The following MAX variants were observed in gnomAD, a reference collection of about 807,000 sequenced individuals.
MAX encodes protein max.
Under a neutral mutation model 22.3 loss-of-function variants are expected in MAX, and 3 were observed. The observed-to-expected ratio is 0.13, with a 90% CI of 0.06 to 0.35. The LOEUF (loss-of-function observed/expected upper bound fraction) is 0.35. Ranked by LOEUF, MAX falls within the 10% of genes least tolerant of loss-of-function variation. The pLI, the probability that MAX is intolerant of heterozygous loss-of-function variation, is 1.00. For missense variants in MAX, 119 were observed against 209.4 expected (o/e 0.57, Z 2.66); for synonymous variants, 72 against 77.7 (o/e 0.93, Z 0.39).
rs2062500379 is a variant in MAX at position 65,047,091 on chromosome 14, A to G, written c.172-40807T>C. Reference sequence around the variant, plus strand: ...AAAAACAGGCAAAGGATCTGAAGAAAGAGGTCCCAGTGAAAGAACTGTCCT... The same window carrying G: ...AAAAACAGGCAAAGGATCTGAAGAAGGAGGTCCCAGTGAAAGAACTGTCCT... On this transcript the variant is annotated intron_variant, in intron 3 of 3. Transcript: ENST00000341653. The surrounding 1 kb of genome is among the most constrained non-coding windows in gnomAD (Gnocchi z 5.2). Among the ~76,000 whole-genome samples the G allele has an allele frequency of 6.6e-6, 1 of 152,248 alleles. No individual in the cohort carries two copies. The highest frequency in any genetic ancestry group is 1.5e-5 in the Non-Finnish European group (1 of 68,044).
rs1283243078 is a variant in MAX, at chr14:65,076,828, C to T, written c.296-165G>A. On this transcript the variant is annotated intron_variant, in intron 4 of 4. Coordinates refer to ENST00000358664, the MANE Select transcript of MAX (RefSeq NM_002382.5). The surrounding 1 kb of genome is among the most constrained non-coding windows in gnomAD (Gnocchi z 6.6). Reference sequence around the variant, plus strand: ...CTTCGGGTGGCTGTTCACTCACACACTTCATTTCCCTCCCGCCTTTCCCAG... The same window carrying T: ...CTTCGGGTGGCTGTTCACTCACACATTTCATTTCCCTCCCGCCTTTCCCAG... The T allele has an allele frequency of 6.8e-6, 5 of 734,042 alleles. No homozygotes were observed. Among genetic ancestry groups the T allele is most frequent in the Non-Finnish European group, 1.2e-5 (5 of 416,334 alleles). 45.5% of individuals were successfully genotyped at this position (734,042 alleles called of 1,614,324 possible). A position where few individuals can be genotyped will look rare whatever the true frequency, so the allele number is the denominator to read the frequency against.
At chr14:65,102,020 G>A (rs1374225052) in intron 1 of MAX, among the ~76,000 whole-genome samples, 1 of 152,194 alleles carries the variant, frequency 6.6e-6, no homozygotes, top group African/African-American at 2.4e-5. Context: ...CGGATCCTGA[G>A]CCGGGGAAGG....
Position 65,079,921 on chromosome 14 carries a change from G to A in MAX, c.172-1885C>T, listed in dbSNP as rs1335810475. ...TCATAATCAACCATTTTTATCAGGTGCAAATTACGTACAAGATACTAGGCA... is the reference window on the plus strand; with the variant it reads ...TCATAATCAACCATTTTTATCAGGTACAAATTACGTACAAGATACTAGGCA... On this transcript the variant is annotated intron_variant, in intron 3 of 4. Coordinates refer to ENST00000358664, the MANE Select transcript of MAX (RefSeq NM_002382.5). The surrounding 1 kb of genome is among the most constrained non-coding windows in gnomAD (Gnocchi z 4.5). Among the ~76,000 whole-genome samples the A allele has an allele frequency of 6.6e-6, 1 of 152,146 alleles. No homozygotes were observed. Among genetic ancestry groups the A allele is most frequent in the Non-Finnish European group, 1.5e-5 (1 of 68,034 alleles).
intron 3 of MAX, among the ~76,000 whole-genome samples, chr14:65,081,501 A>G (rs1020614513): frequency 1.3e-5 from 2 of 152,200 alleles, no homozygotes; most frequent in Non-Finnish European, 2.9e-5. Flanking sequence ...TGACCAGCAA[A>G]CACGAAACCA....
Position 65,079,609 on chromosome 14 carries a change from C to T in MAX, c.172-1573G>A, listed in dbSNP as rs542237649. Among the ~76,000 whole-genome samples, 17 of 152,314 alleles carry T rather than the reference C, an allele frequency of 1.1e-4. No homozygotes were observed. In the Middle Eastern group the frequency reaches 0.02, roughly 183 times the overall value. On this transcript the variant is annotated intron_variant, in intron 3 of 4. Coordinates refer to ENST00000358664, the MANE Select transcript of MAX (RefSeq NM_002382.5). This position sits in a 1 kb window ranked among gnomAD's most constrained non-coding sequence, Gnocchi z 4.5. Reference sequence around the variant, plus strand: ...AGACTCCTGAGCAGCCGGAAAGCTTCTTACTCAGGGTAGGGAGTGCTTGAC... The same window carrying T: ...AGACTCCTGAGCAGCCGGAAAGCTTTTTACTCAGGGTAGGGAGTGCTTGAC...
At chr14:65,058,484 T>TC (rs746515987) in intron 3 of MAX, among the ~76,000 whole-genome samples, 22 of 152,328 alleles carry the variant, frequency 1.4e-4, no homozygotes, top group Non-Finnish European at 1.5e-5. Flanking sequence ...TTGGGTAAGA[T>TC]CCCCACATAG....
chr14:65,021,787 G>A (rs1159796401), intron 3 of MAX, among the ~76,000 whole-genome samples: 2 of 152,102 alleles, frequency 1.3e-5, no homozygotes, highest in Non-Finnish European at 2.9e-5. Context: ...CTGGGACTAC[G>A]GGCGCATGCC....
In MAX at chr14:65,093,891, G is replaced by A. The variant is rs2063584546; in HGVS notation, c.64-76C>T. The A allele has an allele frequency of 1.2e-6, 1 of 859,804 alleles. No homozygotes were observed. The highest frequency in any genetic ancestry group is 2.0e-6 in the Non-Finnish European group (1 of 492,986). 53.3% of individuals were successfully genotyped at this position (859,804 alleles called of 1,614,324 possible). ...GTACAAGGTGGGTGGGGTACAGCCT[G>A]GAAGTACACGCTGTCAGCACTGTCC... On this transcript the variant is annotated intron_variant, in intron 2 of 4. Transcript: ENST00000358664. This position sits in a 1 kb window ranked among gnomAD's most constrained non-coding sequence, Gnocchi z 4.4.
Position 65,069,509 on chromosome 14 carries a change from A to C in MAX, c.171+24199T>G, listed in dbSNP as rs2062964932. Among the ~76,000 whole-genome samples, 1 of 152,208 alleles carries C rather than the reference A, an allele frequency of 6.6e-6. No individual in the cohort carries two copies. The highest frequency in any genetic ancestry group is 1.5e-5 in the Non-Finnish European group (1 of 68,030). On this transcript the variant is annotated intron_variant, in intron 3 of 3. Transcript: ENST00000341653. This position sits in a 1 kb window ranked among gnomAD's most constrained non-coding sequence, Gnocchi z 4.6. ...AAGGCCCAGCCTTTATAAGCTGCCT[A>C]GATTGCCCCAGTAGCCAGCACAATG... is the stretch of plus-strand genomic sequence containing the variant.
chr14:65,072,138 G>A (rs2062993966), downstream of MAX, among the ~76,000 whole-genome samples: 1 of 152,180 alleles, frequency 6.6e-6, no homozygotes, highest in Non-Finnish European at 1.5e-5. Flanking sequence ...GTTCCCAGAG[G>A]CTTTTGAGAA....
In MAX at chr14:65,031,867, G is replaced by A. The variant is rs1675875193; in HGVS notation, c.172-25583C>T. ...ACCCAGGAGGCGGAGGTTGCAGTGA[G>A]CTGAGATCATACCACTGCACTCTAG... On this transcript the variant is annotated intron_variant, in intron 3 of 3. Transcript: ENST00000341653. The surrounding 1 kb of genome is among the most constrained non-coding windows in gnomAD (Gnocchi z 4.6). Among the ~76,000 whole-genome samples the A allele has an allele frequency of 1.3e-5, 2 of 152,122 alleles. 1 individual carries two copies. Among genetic ancestry groups the A allele is most frequent in the South Asian group, 4.1e-4 (2 of 4,826 alleles).
At chr14:65,013,277 C>G (rs983398583) in intron 3 of MAX, among the ~76,000 whole-genome samples, 2 of 151,904 alleles carry the variant, frequency 1.3e-5, no homozygotes, top group African/African-American at 2.4e-5. Context: ...CTGCCCATTA[C>G]TGCCATCTGG....
intron 3 of MAX, chr14:65,083,808 C>T: frequency 1.8e-6 from 2 of 1,125,618 alleles, no homozygotes; most frequent in Non-Finnish European, 2.2e-6. Context: ...CATTTATTTT[C>T]TGAAACCTGT....
chr14:65,083,364 C>T (rs942626), intron 3 of MAX, among the ~76,000 whole-genome samples: 73,562 of 152,148 alleles, frequency 0.48, 20,426 homozygotes, highest in African/African-American at 0.77. Flanking sequence ...ATGCTTCAGA[C>T]GAAGTCCAAG....
chr14:65,057,459 T>C (rs577819849), intron 3 of MAX, among the ~76,000 whole-genome samples: 2 of 152,312 alleles, frequency 1.3e-5, no homozygotes, highest in Admixed American at 6.5e-5. Context: ...TATTTTAATT[T>C]TGAAGTGGTC....
rs2139627832 is a variant in MAX at position 65,041,001 on chromosome 14, A to G, written c.172-34717T>C. The G allele has an allele frequency of 7.7e-6, 12 of 1,560,256 alleles. No individual in the cohort carries two copies. In the South Asian group the frequency reaches 1.4e-4, roughly 18 times the overall value. On this transcript the variant is annotated intron_variant, in intron 3 of 3. Coordinates refer to the MAX transcript ENST00000341653. ...TACTCAGACATGCAGGCTTCAGGAG[A>G]GTTTGGCTATGGGAAGGGCTAAGAG...
chr14:65,086,650 C>G (rs949753829), intron 3 of MAX, among the ~76,000 whole-genome samples: 1 of 152,160 alleles, frequency 6.6e-6, no homozygotes, highest in Non-Finnish European at 1.5e-5. Context: ...GCAAAGCATT[C>G]AAGAGGTGAC....
chr14:65,074,441 A>T (rs1479233147), downstream of MAX, among the ~76,000 whole-genome samples: 2 of 152,194 alleles, frequency 1.3e-5, no homozygotes, highest in African/African-American at 4.8e-5. Context: ...GATTTGACAT[A>T]CAATTGATAG....
In MAX at chr14:65,075,902, C is replaced by CA. The variant is rs2063045230; in HGVS notation, c.*573dup. 2 of 1,067,152 alleles carry CA rather than the reference C, an allele frequency of 1.9e-6. No homozygotes were observed. The highest frequency in any genetic ancestry group is 2.3e-6 in the Non-Finnish European group (2 of 880,682). The allele number at this position is 1,067,152 out of a possible 1,614,324, so 66.1% of individuals were successfully genotyped here. A position where few individuals can be genotyped will look rare whatever the true frequency, so the allele number is the denominator to read the frequency against. On this transcript the variant is annotated 3_prime_UTR_variant, in exon 5 of 5. Transcript: ENST00000358664. The surrounding 1 kb of genome is among the most constrained non-coding windows in gnomAD (Gnocchi z 4.1). ...CTGTCCCCACTTCCTTTTTATACCA[C>CA]AAACTTCTCTAAGGATCTGGTCTTT... is the stretch of plus-strand genomic sequence containing the variant.
Sources: allele counts gnomAD v4.1 joint callset (sites outside exome capture counted in the v4.1 genomes callset), GRCh38; gene constraint gnomAD v4.1.1; non-coding constraint Gnocchi (gnomAD v3.1); transcripts MANE v1.5; gene names NCBI Gene and HGNC (gene_info 2026-07-23, HGNC 2026-07-21).